The following GPR26 variants were observed in gnomAD, a reference collection of about 807,000 sequenced individuals.
GPR26 encodes G protein-coupled receptor 26.
GPR26 carries 15 observed loss-of-function variants against 23.1 expected under a neutral mutation model. The ratio of observed to expected loss-of-function variants is 0.65; its 90% CI spans 0.43 to 1.00. The LOEUF is 1.00. Ranked by LOEUF, GPR26 falls within the 50% of genes least tolerant of loss-of-function variation. GPR26 has a pLI of 0.00. For missense variants in GPR26, 359 were observed against 470.5 expected (o/e 0.76, Z 2.19); for synonymous variants, 228 against 222.1 (o/e 1.03, Z -0.24).
At chr10:123,683,690 C>T (rs1242221518) in intron 2 of GPR26, among the ~76,000 whole-genome samples, 1 of 152,172 alleles carries the variant, frequency 6.6e-6, no homozygotes, top group African/African-American at 2.4e-5. Context: ...AGCTCAGATG[C>T]GCCAGTCCCC....
chr10:123,675,481 G>C (rs990456085), intron 2 of GPR26, among the ~76,000 whole-genome samples: 1 of 152,144 alleles, frequency 6.6e-6, no homozygotes, highest in South Asian at 2.1e-4. Flanking sequence ...GTGCTGTGAG[G>C]CTTGTTGTGT....
chr10:123,684,082 C>T (rs1463236757), intron 2 of GPR26, among the ~76,000 whole-genome samples: 2 of 152,014 alleles, frequency 1.3e-5, no homozygotes, highest in Admixed American at 6.6e-5. Flanking sequence ...GGGGATTTTC[C>T]GGGGGGAGCT....
rs1463884343 is a variant in GPR26, at chr10:123,693,210, A to C, written c.*5050A>C. On this transcript the variant is annotated 3_prime_UTR_variant, in exon 3 of 3. Coordinates refer to ENST00000284674, the MANE Select transcript of GPR26 (RefSeq NM_153442.4). ...GTTTCTAGGGGAATTCTGAGGGAAG[A>C]AGCTTTGCAGCAACCTCTGTGCCCA... 6.6e-6 allele frequency: 1 copy of C among 152,238 alleles called. No individual in the cohort carries two copies. Among genetic ancestry groups the C allele is most frequent in the Non-Finnish European group, 1.5e-5 (1 of 68,054 alleles). 9.4% of individuals were successfully genotyped at this position (152,238 alleles called of 1,614,324 possible). A position where few individuals can be genotyped will look rare whatever the true frequency, so the allele number is the denominator to read the frequency against.
At chr10:123,679,474 G>C (rs1315306724) in intron 2 of GPR26, among the ~76,000 whole-genome samples, 2 of 152,196 alleles carry the variant, frequency 1.3e-5, no homozygotes, top group Non-Finnish European at 2.9e-5. Flanking sequence ...CACTGAACCA[G>C]TTCAGTTAGA....
In GPR26 at chr10:123,680,836, G is replaced by GA. The variant is rs1361922948; in HGVS notation, c.782+5905_782+5906insA. ...TTTTGTTTTGTTTTTTTGGGGGGGG[G>GA]GGTTGTTTTTTTGTTTTTTTTGAGA... On this transcript the variant is annotated intron_variant, in intron 2 of 2. Coordinates refer to ENST00000284674, the MANE Select transcript of GPR26 (RefSeq NM_153442.4). Among the ~76,000 whole-genome samples, 2 of 133,474 alleles carry GA rather than the reference G, an allele frequency of 1.5e-5. 1 individual carries two copies. The highest frequency in any genetic ancestry group is 4.6e-4 in the East Asian group (2 of 4,328). The allele number at this position is 133,474 out of a possible 152,430, so 87.6% of individuals were successfully genotyped here.
Position 123,688,223 on chromosome 10 carries a change from G to A in GPR26, c.*63G>A, listed in dbSNP as rs1001004350. On this transcript the variant is annotated 3_prime_UTR_variant, in exon 3 of 3. Coordinates refer to ENST00000284674, the MANE Select transcript of GPR26 (RefSeq NM_153442.4). ...GCGGTGAGAAGAAGGGTGGGAGGGC[G>A]TGGGGGCCCCTGGGTGGACACCACC... 13 of 901,448 alleles carry A rather than the reference G, an allele frequency of 1.4e-5. No homozygotes were observed. The African/African-American group carries it at 1.5e-4, about 10-fold the overall frequency. 55.8% of individuals were successfully genotyped at this position (901,448 alleles called of 1,614,324 possible). A position where few individuals can be genotyped will look rare whatever the true frequency, so the allele number is the denominator to read the frequency against.
In GPR26 at chr10:123,666,406, C is replaced by G; in HGVS notation, c.-2C>G. ...CCTGAGCGCCGGCGCGGGGCGCGCA[C>G]CATGAACTCGTGGGACGCGGGCCTG... On this transcript the variant is annotated 5_prime_UTR_variant, in exon 1 of 3. Transcript: ENST00000284674. 6.8e-7 allele frequency: 1 copy of G among 1,470,388 alleles called. No homozygotes were observed. The highest frequency in any genetic ancestry group is 2.8e-5 in the East Asian group (1 of 35,754). The allele number at this position is 1,470,388 out of a possible 1,614,324, so 91.1% of individuals were successfully genotyped here. A position where few individuals can be genotyped will look rare whatever the true frequency, so the allele number is the denominator to read the frequency against.
intron 2 of GPR26, among the ~76,000 whole-genome samples, chr10:123,675,942 C>A (rs541270912): frequency 2.5e-4 from 38 of 152,178 alleles, no homozygotes; most frequent in African/African-American, 8.9e-4. Context: ...AGGAGGGGCA[C>A]CCCTGCCTCA....
In GPR26 at chr10:123,688,686, G is replaced by A. The variant is rs1490226046; in HGVS notation, c.*526G>A. The A allele has an allele frequency of 2.5e-5, 4 of 162,130 alleles. No homozygotes were observed. The highest frequency in any genetic ancestry group is 5.4e-5 in the Non-Finnish European group (4 of 73,482). The allele number at this position is 162,130 out of a possible 1,614,324, so 10.0% of individuals were successfully genotyped here. On this transcript the variant is annotated 3_prime_UTR_variant, in exon 3 of 3. Coordinates refer to ENST00000284674, the MANE Select transcript of GPR26 (RefSeq NM_153442.4). ...CTTCAACCCAAATATTATTCAGCTG[G>A]TACTAACGACATTGTGCCCAGCTGG...
At position 123,691,610 on chromosome 10, in the gene GPR26, G is replaced by A. The variant is rs544461839; in HGVS notation, c.*3450G>A. 1 of 152,312 alleles carries A rather than the reference G, an allele frequency of 6.6e-6. No homozygotes were observed. The highest frequency in any genetic ancestry group is 2.1e-4 in the South Asian group (1 of 4,820). 9.4% of individuals were successfully genotyped at this position (152,312 alleles called of 1,614,324 possible). On this transcript the variant is annotated 3_prime_UTR_variant, in exon 3 of 3. Coordinates refer to ENST00000284674, the MANE Select transcript of GPR26 (RefSeq NM_153442.4). ...ATAAACTAGCTTGCCTGAGTTTAAT[G>A]AGGATATTATATCAGGTGCCAGGAA...
intron 2 of GPR26, among the ~76,000 whole-genome samples, chr10:123,679,339 G>C (rs1035349987): frequency 4.6e-5 from 7 of 152,220 alleles, no homozygotes; most frequent in African/African-American, 1.4e-4. Context: ...GCTGGGATTA[G>C]CGGGAAAGTG....
intron 1 of GPR26, among the ~76,000 whole-genome samples, chr10:123,673,005 G>A (rs906133251): frequency 3.0e-4 from 46 of 152,190 alleles, no homozygotes; most frequent in African/African-American, 1.0e-3. Flanking sequence ...TCCCCATCAC[G>A]ATATCTAGCA....
rs945427346 is a variant in GPR26, at chr10:123,695,780, C to G, written c.*7620C>G. Among the ~76,000 whole-genome samples, 2 of 152,158 alleles carry G rather than the reference C, an allele frequency of 1.3e-5. No individual in the cohort carries two copies. Among genetic ancestry groups the G allele is most frequent in the Admixed American group, 6.6e-5 (1 of 15,264 alleles). On this transcript the variant is annotated 3_prime_UTR_variant, in exon 3 of 3. Transcript: ENST00000284674. ...CCAAACTCTCTGCTCTAACAACCTT[C>G]GAATGTCAAGTTCCCTTGCAAGCTG...
chr10:123,675,833 C>CGCGTGT (rs1845302700), intron 2 of GPR26, among the ~76,000 whole-genome samples: 1 of 134,176 alleles, frequency 7.5e-6, no homozygotes, highest in South Asian at 2.6e-4. Context: ...TGTGTGTGTA[C>CGCGTGT]GTGTGTGTGT....
In GPR26 at chr10:123,688,361, A is replaced by G; in HGVS notation, c.*201A>G. ...TATTGGACACTCCTTATTTGTCACCAAAGGATGACTGTAGGCCGTGTGCTG... is the reference window on the plus strand; with the variant it reads ...TATTGGACACTCCTTATTTGTCACCGAAGGATGACTGTAGGCCGTGTGCTG... On this transcript the variant is annotated 3_prime_UTR_variant, in exon 3 of 3. Coordinates refer to ENST00000284674, the MANE Select transcript of GPR26 (RefSeq NM_153442.4). 1.7e-6 allele frequency: 1 copy of G among 589,566 alleles called. No homozygotes were observed. Among genetic ancestry groups the G allele is most frequent in the Non-Finnish European group, 3.0e-6 (1 of 330,308 alleles). The allele number at this position is 589,566 out of a possible 1,614,324, so 36.5% of individuals were successfully genotyped here.
At position 123,677,194 on chromosome 10, in the gene GPR26, T is replaced by C. The variant is rs192253119; in HGVS notation, c.782+2263T>C. 2.1e-3 allele frequency among the ~76,000 whole-genome samples: 319 copies of C among 148,846 alleles called. 1 individual carries two copies. Among genetic ancestry groups the C allele is most frequent in the African/African-American group, 7.1e-3 (288 of 40,436 alleles). ...CAACATTTTCCTTTTAAAAAAAAAA[T>C]TACAGCTAGGTTCTCTCTAATAGTG... On this transcript the variant is annotated intron_variant, in intron 2 of 2. Coordinates refer to ENST00000284674, the MANE Select transcript of GPR26 (RefSeq NM_153442.4).
chr10:123,683,009 T>G (rs1564732603), intron 2 of GPR26, among the ~76,000 whole-genome samples: 1 of 148,958 alleles, frequency 6.7e-6, no homozygotes, highest in East Asian at 1.9e-4. Flanking sequence ...CATGTGTATG[T>G]ATGTATGTGT....
chr10:123,677,425 G>C (rs1845322568), intron 2 of GPR26, among the ~76,000 whole-genome samples: 1 of 152,120 alleles, frequency 6.6e-6, no homozygotes, highest in African/African-American at 2.4e-5. Context: ...ACCCCGCCGG[G>C]CCCCACTGCC....
intron 1 of GPR26, among the ~76,000 whole-genome samples, chr10:123,672,914 T>G (rs1358578180): frequency 6.6e-6 from 1 of 152,194 alleles, no homozygotes; most frequent in Non-Finnish European, 1.5e-5. Context: ...AATTTATATC[T>G]TCTCATCTGA....
Sources: gnomAD v4.1 joint callset for allele counts (sites outside exome capture counted in the v4.1 genomes callset) on GRCh38, gnomAD v4.1.1 for gene constraint, MANE v1.5 for transcripts, NCBI Gene and HGNC (gene_info 2026-07-23, HGNC 2026-07-21) for gene names.